The following SPI1 variants were observed in gnomAD, a reference collection of about 807,000 sequenced individuals.
SPI1 encodes transcription factor PU.1.
SPI1 carries 3 observed loss-of-function variants against 30.7 expected under a neutral mutation model. The ratio of observed to expected loss-of-function variants is 0.10; its 90% CI spans 0.04 to 0.25. SPI1 has a LOEUF of 0.25. Ranked by LOEUF, SPI1 falls within the 10% of genes least tolerant of loss-of-function variation. The pLI is 1.00. For synonymous variants in SPI1, 169 were observed against 157.1 expected (o/e 1.08, Z -0.56); for missense variants, 261 against 371.5 (o/e 0.70, Z 2.45).
Position 47,359,734 on chromosome 11 carries a change from G to A in SPI1, c.330+119C>T. ...AGCCGTTGGAGCTCCAGCCGCCGTTGGCACTGTGGGGCAGGAAGCTGAGTT... is the reference window on the plus strand; with the variant it reads ...AGCCGTTGGAGCTCCAGCCGCCGTTAGCACTGTGGGGCAGGAAGCTGAGTT... On this transcript the variant is annotated intron_variant, in intron 3 of 4. Coordinates refer to ENST00000378538, the MANE Select transcript of SPI1 (RefSeq NM_003120.3). This position sits in a 1 kb window ranked among gnomAD's most constrained non-coding sequence, Gnocchi z 5.1. The A allele has an allele frequency of 2.6e-6, 3 of 1,156,548 alleles. No individual in the cohort carries two copies. In the South Asian group the frequency reaches 4.3e-5, roughly 17 times the overall value. 71.6% of individuals were successfully genotyped at this position (1,156,548 alleles called of 1,614,324 possible). A position where few individuals can be genotyped will look rare whatever the true frequency, so the allele number is the denominator to read the frequency against.
chr11:47,357,510 ACAG>A (rs1218891721), intron 4 of SPI1, among the ~76,000 whole-genome samples: 2 of 141,568 alleles, frequency 1.4e-5, no homozygotes, highest in African/African-American at 5.1e-5. Flanking sequence ...ACATCCACTC[ACAG>A]CAGCTCACAC....
chr11:47,371,615 C>T (rs552149240), intron 2 of SPI1, among the ~76,000 whole-genome samples: 2 of 147,992 alleles, frequency 1.4e-5, no homozygotes, highest in South Asian at 4.3e-4. Context: ...TGCAGTGAGC[C>T]AAGATCACAC....
chr11:47,359,094 G>A lies in SPI1; in HGVS notation c.331-88C>T, dbSNP rs913641394. On this transcript the variant is annotated intron_variant, in intron 3 of 4. Coordinates refer to ENST00000378538, the MANE Select transcript of SPI1 (RefSeq NM_003120.3). This position sits in a 1 kb window ranked among gnomAD's most constrained non-coding sequence, Gnocchi z 5.1. Reference sequence around the variant, plus strand: ...GAGGGAGGTCAGCTGGGGAGAGAAGGAGTGCAGAGGGCAGGGGACAATGGC... The same window carrying A: ...GAGGGAGGTCAGCTGGGGAGAGAAGAAGTGCAGAGGGCAGGGGACAATGGC... The A allele has an allele frequency of 7.9e-7, 1 of 1,267,558 alleles. No individual in the cohort carries two copies. Among genetic ancestry groups the A allele is most frequent in the Non-Finnish European group, 1.1e-6 (1 of 924,404 alleles). 78.5% of individuals were successfully genotyped at this position (1,267,558 alleles called of 1,614,324 possible).
At chr11:47,356,282 G>A (rs1269691705) in intron 4 of SPI1, among the ~76,000 whole-genome samples, 1 of 144,212 alleles carries the variant, frequency 6.9e-6, no homozygotes, top group African/African-American at 2.6e-5. Flanking sequence ...CCACTCACAT[G>A]CTTGCACCCA....
intron 2 of SPI1, among the ~76,000 whole-genome samples, chr11:47,360,802 C>G (rs1477941747): frequency 8.9e-6 from 1 of 112,212 alleles, no homozygotes; most frequent in Non-Finnish European, 1.8e-5. Flanking sequence ...TCCAGCCTGG[C>G]GACAGAGTGA....
intron 4 of SPI1, among the ~76,000 whole-genome samples, chr11:47,355,889 CCACT>C (rs2095907783): frequency 1.3e-5 from 2 of 151,054 alleles, no homozygotes; most frequent in Non-Finnish European, 2.9e-5. Context: ...ACGCCCACAC[CCACT>C]CACACACGTG....
rs182746140 is a variant in SPI1 at position 47,354,895 on chromosome 11, A to C, written c.*332T>G. On this transcript the variant is annotated 3_prime_UTR_variant, in exon 5 of 5. Transcript: ENST00000378538. ...ATAACTTTACTTGTTTTTTGGGAGG[A>C]GGTTAATGGGTGGGAGGGGTGAGAG... 0.012 allele frequency: 2,789 copies of C among 236,910 alleles called. 32 individuals are homozygous for C. Among genetic ancestry groups the C allele is most frequent in the Middle Eastern group, 0.017 (13 of 762 alleles). 14.7% of individuals were successfully genotyped at this position (236,910 alleles called of 1,614,324 possible).
Position 47,367,748 on chromosome 11 carries a change from A to ATTT in SPI1, c.143-7711_143-7709dup, listed in dbSNP as rs1173025260. Among the ~76,000 whole-genome samples, 242 of 64,784 alleles carry ATTT rather than the reference A, an allele frequency of 3.7e-3. 24 individuals are homozygous for ATTT. The South Asian group carries it at 0.053, about 14-fold the overall frequency. 42.5% of individuals were successfully genotyped at this position (64,784 alleles called of 152,430 possible). On this transcript the variant is annotated intron_variant, in intron 2 of 4. Transcript: ENST00000378538. ...ACTATGGGAAATAGATGATGGTTAA[A>ATTT]TTTTTTTTTTTTTTTTTTTTTTTTT...
intron 1 of SPI1, among the ~76,000 whole-genome samples, chr11:47,378,102 T>C (rs2095944697): frequency 6.6e-6 from 1 of 152,208 alleles, no homozygotes; most frequent in African/African-American, 2.4e-5. Flanking sequence ...AGCCCCACCG[T>C]GGGCCTGGCC....
Position 47,355,566 on chromosome 11 carries a change from G to T in SPI1, c.494-20C>A, listed in dbSNP as rs779166877. The T allele has an allele frequency of 6.5e-7, 1 of 1,548,518 alleles. No homozygotes were observed. Among genetic ancestry groups the T allele is most frequent in the South Asian group, 1.2e-5 (1 of 83,146 alleles). On this transcript the variant is annotated intron_variant, in intron 4 of 4. Coordinates refer to ENST00000378538, the MANE Select transcript of SPI1 (RefSeq NM_003120.3). ...TGCTGCCTGCGGGGGGGAGGGCCCG[G>T]TGGGAGGGGGCCCGGGGCCCACATG...
intron 4 of SPI1, among the ~76,000 whole-genome samples, chr11:47,357,062 CACACACATGCTA>C (rs1357471346): frequency 2.0e-5 from 3 of 151,794 alleles, no homozygotes; most frequent in Non-Finnish European, 4.4e-5. Flanking sequence ...AACTCATGCT[CACACACATGCTA>C]ACACTTCACA....
chr11:47,359,130 G>T lies in SPI1; in HGVS notation c.331-124C>A. The T allele has an allele frequency of 1.4e-6, 1 of 732,310 alleles. No homozygotes were observed. Among genetic ancestry groups the T allele is most frequent in the Non-Finnish European group, 1.9e-6 (1 of 514,894 alleles). 45.4% of individuals were successfully genotyped at this position (732,310 alleles called of 1,614,324 possible). A position where few individuals can be genotyped will look rare whatever the true frequency, so the allele number is the denominator to read the frequency against. ...GCAGGGGACAATGGCAGGCACAGGA[G>T]ACTGGAGGAAGAAGACCAGGGAAAA... is the stretch of plus-strand genomic sequence containing the variant. On this transcript the variant is annotated intron_variant, in intron 3 of 4. Coordinates refer to ENST00000378538, the MANE Select transcript of SPI1 (RefSeq NM_003120.3). The surrounding 1 kb of genome is among the most constrained non-coding windows in gnomAD (Gnocchi z 5.1).
intron 4 of SPI1, among the ~76,000 whole-genome samples, chr11:47,356,403 ACT>A (rs756025754): frequency 3.4e-5 from 5 of 147,416 alleles, no homozygotes; most frequent in Admixed American, 6.8e-5. Context: ...TCACATGCAC[ACT>A]CACACCCACC....
chr11:47,358,867 G>C lies in SPI1; in HGVS notation c.470C>G (p.Pro157Arg). ...ACCTGTCTCCCCAGGCAGGAGCCCA[G>C]GCCCGGGCTCCAGGCCATCCGCCTC... is the stretch of plus-strand genomic sequence containing the variant. Reference protein sequence around the residue: ...DGEADGLEPGPGLLPGETGSK... With the variant: ...DGEADGLEPGRGLLPGETGSK... Residue 157 changes from proline (P) to arginine (R), a missense_variant, in exon 4 of 5, where the codon CCT becomes CGT. Coordinates refer to ENST00000378538, the MANE Select transcript of SPI1 (RefSeq NM_003120.3). The C allele has an allele frequency of 1.3e-6, 2 of 1,550,866 alleles. No homozygotes were observed. The highest frequency in any genetic ancestry group is 2.4e-5 in the East Asian group (1 of 41,694).
At position 47,360,068 on chromosome 11, in the gene SPI1, G is replaced by GT. The variant is rs2095918468; in HGVS notation, c.143-29dup. ...GTGGGGGACAGCCAGGCAGTATGGG[G>GT]TGAGCTCAGGGTTGGGCAGGGCAGG... On this transcript the variant is annotated intron_variant, in intron 2 of 4. Transcript: ENST00000378538. 5 of 1,513,658 alleles carry GT rather than the reference G, an allele frequency of 3.3e-6. No homozygotes were observed. In the South Asian group the frequency reaches 5.1e-5, roughly 15 times the overall value. The allele number at this position is 1,513,658 out of a possible 1,614,324, so 93.8% of individuals were successfully genotyped here.
chr11:47,368,148 CT>C (rs1392475138), intron 2 of SPI1, among the ~76,000 whole-genome samples: 1 of 152,134 alleles, frequency 6.6e-6, no homozygotes, highest in African/African-American at 2.4e-5. Context: ...GGCAGATCGC[CT>C]GAGGTCAGGA....
rs369214523 is a variant in SPI1 at position 47,375,605 on chromosome 11, A to T, written c.142+28T>A. The T allele has an allele frequency of 1.6e-5, 25 of 1,558,802 alleles. No individual in the cohort carries two copies. Among genetic ancestry groups the T allele is most frequent in the Non-Finnish European group, 1.9e-5 (22 of 1,129,790 alleles). Reference sequence around the variant, plus strand: ...CCAGGAGCCCAGGCTGGGCTGGGGGATGGGGGCGTGGCAGGCCCCGTACTC... The same window carrying T: ...CCAGGAGCCCAGGCTGGGCTGGGGGTTGGGGGCGTGGCAGGCCCCGTACTC... On this transcript the variant is annotated intron_variant, in intron 2 of 4. Coordinates refer to ENST00000378538, the MANE Select transcript of SPI1 (RefSeq NM_003120.3). This position sits in a 1 kb window ranked among gnomAD's most constrained non-coding sequence, Gnocchi z 4.2.
chr11:47,376,348 G>A (rs889706366), intron 1 of SPI1, among the ~76,000 whole-genome samples: 4 of 151,490 alleles, frequency 2.6e-5, no homozygotes, highest in South Asian at 2.1e-4. Flanking sequence ...ACACTCAACC[G>A]CACAGCACAC....
intron 2 of SPI1, among the ~76,000 whole-genome samples, chr11:47,362,624 G>A (rs553430392): frequency 1.5e-5 from 2 of 134,468 alleles, no homozygotes; most frequent in East Asian, 4.7e-4. Context: ...TGCCCAAGCT[G>A]GAGTGCAGTG....
Sources: allele counts gnomAD v4.1 joint callset (sites outside exome capture counted in the v4.1 genomes callset), GRCh38; gene constraint gnomAD v4.1.1; non-coding constraint Gnocchi (gnomAD v3.1); transcripts MANE v1.5; gene names NCBI Gene and HGNC (gene_info 2026-07-23, HGNC 2026-07-21).